CACNB4: variants seen among roughly 807,000 people sequenced by gnomAD.
CACNB4 encodes the protein calcium voltage-gated channel auxiliary subunit beta 4.
A neutral mutation model predicts 71.2 loss-of-function variants in CACNB4; 32 were observed. The ratio of observed to expected loss-of-function variants is 0.45; its 90% CI spans 0.34 to 0.60. The LOEUF is 0.60. Among genes scored for constraint, CACNB4 ranks in the 20% least tolerant of loss-of-function variants. The pLI is 0.01. For synonymous variants in CACNB4, 231 were observed against 236.9 expected (o/e 0.97, Z 0.23); for missense variants, 464 against 647.9 (o/e 0.72, Z 3.08).
chr2:151,856,856 G>C (rs1200556300), intron 10 of CACNB4: 2 of 152,086 alleles, frequency 1.3e-5, no homozygotes, highest in African/African-American at 4.8e-5. Context: ...GGGACTACAG[G>C]TGCACATCAC....
At chr2:151,859,830 G>A (rs957195479) in intron 10 of CACNB4, 4 of 152,172 alleles carry the variant, frequency 2.6e-5, no homozygotes, top group African/African-American at 9.7e-5. Context: ...CACGATCTTT[G>A]GCTCAAGGTC....
At chr2:151,956,466 A>G (rs187297481) in intron 2 of CACNB4, among the ~76,000 whole-genome samples, 4 of 152,334 alleles carry the variant, frequency 2.6e-5, no homozygotes, top group Admixed American at 1.3e-4. Flanking sequence ...GTGGTTCCCA[A>G]TGTACGAAAT....
chr2:152,023,951 A>G (rs1683822653), intron 2 of CACNB4, among the ~76,000 whole-genome samples: 1 of 152,234 alleles, frequency 6.6e-6, no homozygotes, highest in South Asian at 2.1e-4. Flanking sequence ...TTTACATTTA[A>G]GATGAAGAAG....
intron 2 of CACNB4, among the ~76,000 whole-genome samples, chr2:151,935,555 G>A (rs962427269): frequency 5.9e-5 from 9 of 152,152 alleles, no homozygotes. Context: ...TGAACCTAGC[G>A]AAGCACACTG....
intron 2 of CACNB4, among the ~76,000 whole-genome samples, chr2:152,040,308 T>C (rs187061715): frequency 2.2e-4 from 33 of 152,358 alleles, no homozygotes; most frequent in Non-Finnish European, 4.1e-4. Context: ...TTTATAAATA[T>C]CTATCATTAA....
chr2:151,876,885 C>T (rs930482133), intron 4 of CACNB4, among the ~76,000 whole-genome samples: 2 of 111,790 alleles, frequency 1.8e-5, no homozygotes, highest in African/African-American at 6.1e-5. Flanking sequence ...TTATACTATA[C>T]ATTTTATATA....
At chr2:151,883,427 C>G in intron 2 of CACNB4, 57 bp from the exon 3 acceptor site, 1 of 1,583,476 alleles carries the variant, frequency 6.3e-7, no homozygotes, top group Non-Finnish European at 8.7e-7. Context: ...ATTGTCACAT[C>G]CATAACAGTA....
intron 2 of CACNB4, among the ~76,000 whole-genome samples, chr2:152,060,532 T>A (rs781328851): frequency 6.6e-6 from 1 of 152,308 alleles, no homozygotes; most frequent in South Asian, 2.1e-4. Context: ...TAAAAAAGCA[T>A]ACAATCTACA....
intron 2 of CACNB4, among the ~76,000 whole-genome samples, chr2:152,089,937 A>G (rs1480905391): frequency 6.6e-6 from 1 of 152,216 alleles, no homozygotes; most frequent in African/African-American, 2.4e-5. Context: ...GCAGAGGCCA[A>G]ACACAGAGGG....
At chr2:151,892,256 A>T (rs1283773139) in intron 2 of CACNB4, among the ~76,000 whole-genome samples, 1 of 151,884 alleles carries the variant, frequency 6.6e-6, no homozygotes, top group Non-Finnish European at 1.5e-5. Context: ...CACACCCAAC[A>T]CTACTTTTAC....
intron 2 of CACNB4, among the ~76,000 whole-genome samples, chr2:151,944,716 C>T (rs775402834): frequency 1.3e-5 from 2 of 152,124 alleles, no homozygotes; most frequent in Admixed American, 6.5e-5. Flanking sequence ...TGCTTGAACC[C>T]GGCACACGGA....
At chr2:152,035,605 C>G (rs1036967483) in intron 2 of CACNB4, among the ~76,000 whole-genome samples, 5 of 129,536 alleles carry the variant, frequency 3.9e-5, no homozygotes, top group African/African-American at 1.2e-4. Context: ...CTCTCTCTTT[C>G]TCTCTCTCTC....
chr2:151,924,049 C>A (rs1285147006), intron 2 of CACNB4, among the ~76,000 whole-genome samples: 1 of 146,088 alleles, frequency 6.8e-6, no homozygotes, highest in Non-Finnish European at 1.5e-5. Context: ...TACATACATA[C>A]GTGCGTGTAA....
At chr2:151,891,101 A>AT (rs2099850620) in intron 2 of CACNB4, among the ~76,000 whole-genome samples, 1 of 152,190 alleles carries the variant, frequency 6.6e-6, no homozygotes, top group Admixed American at 6.5e-5. Flanking sequence ...TATTACAACT[A>AT]TTTTACATAA....
At chr2:151,904,013 T>C (rs951741839) in intron 2 of CACNB4, among the ~76,000 whole-genome samples, 3 of 152,176 alleles carry the variant, frequency 2.0e-5, no homozygotes, top group African/African-American at 7.2e-5. Flanking sequence ...AAAAGAAGGA[T>C]GGGACTCATA....
At chr2:152,016,681 T>C (rs1409634654) in intron 2 of CACNB4, among the ~76,000 whole-genome samples, 1 of 152,216 alleles carries the variant, frequency 6.6e-6, no homozygotes, top group Non-Finnish European at 1.5e-5. Context: ...CACTCACCGT[T>C]CCAGGCATGC....
intron 2 of CACNB4, among the ~76,000 whole-genome samples, chr2:151,982,859 C>A (rs1244003878): frequency 6.6e-6 from 1 of 152,084 alleles, no homozygotes; most frequent in Non-Finnish European, 1.5e-5. Context: ...CTAATTCCAG[C>A]TGCAAAAGTA....
chr2:152,031,081 T>G (rs980779731), intron 2 of CACNB4, among the ~76,000 whole-genome samples: 1 of 152,022 alleles, frequency 6.6e-6, no homozygotes, highest in Non-Finnish European at 1.5e-5. Context: ...ATTTTACAGA[T>G]GAAGAAATAA....
At chr2:152,090,851 G>C (rs1687929281) in intron 2 of CACNB4, among the ~76,000 whole-genome samples, 1 of 151,986 alleles carries the variant, frequency 6.6e-6, no homozygotes. Flanking sequence ...TTCAAGACCA[G>C]CCTGGCCAAC....
Sources: allele counts gnomAD v4.1 joint callset (sites outside exome capture counted in the v4.1 genomes callset), GRCh38; gene constraint gnomAD v4.1.1; transcripts MANE v1.5; gene names NCBI Gene and HGNC (gene_info 2026-07-23, HGNC 2026-07-21).